CAMKK2: variants seen among roughly 807,000 people sequenced by gnomAD.
CAMKK2 encodes calcium/calmodulin-dependent protein kinase kinase 2.
In CAMKK2, 30 loss-of-function variants were observed where a neutral mutation model predicts 67.2. The ratio of observed to expected loss-of-function variants is 0.45; its 90% CI spans 0.33 to 0.61. The LOEUF is 0.61. Ranked by LOEUF, CAMKK2 falls within the 20% of genes least tolerant of loss-of-function variation. CAMKK2 has a pLI of 0.02. For missense variants in CAMKK2, 643 were observed against 802.0 expected (o/e 0.80, Z 2.39); for synonymous variants, 322 against 326.2 (o/e 0.99, Z 0.14).
chr12:121,292,511 C>T (rs1246792881), intron 1 of CAMKK2, among the ~76,000 whole-genome samples: 1 of 152,140 alleles, frequency 6.6e-6, no homozygotes, highest in African/African-American at 2.4e-5. Context: ...GAAAGAAGAT[C>T]GGTTTCAAAA....
At chr12:121,289,808 G>A (rs995358719) in intron 1 of CAMKK2, among the ~76,000 whole-genome samples, 5 of 151,276 alleles carry the variant, frequency 3.3e-5, no homozygotes, top group Admixed American at 2.0e-4. Flanking sequence ...CACGACAATC[G>A]CCTGAACCCA....
chr12:121,283,094 G>C (rs1265409225), intron 1 of CAMKK2, among the ~76,000 whole-genome samples: 3 of 152,184 alleles, frequency 2.0e-5, no homozygotes, highest in African/African-American at 4.8e-5. Context: ...GTGAGACTTG[G>C]TCACGGCTTC....
chr12:121,294,408 A>T lies in CAMKK2; in HGVS notation c.-60+2230T>A, dbSNP rs528416365. 7.9e-5 allele frequency among the ~76,000 whole-genome samples: 12 copies of T among 152,322 alleles called. No individual in the cohort carries two copies. In the South Asian group the frequency reaches 1.9e-3, roughly 24 times the overall value. Reference sequence around the variant, plus strand: ...GAGGGTGGGACCACCCCCGGATGAGAACTAGTGCATTGTTATTAGTGACTA... The same window carrying T: ...GAGGGTGGGACCACCCCCGGATGAGTACTAGTGCATTGTTATTAGTGACTA... On this transcript the variant is annotated intron_variant, in intron 1 of 16. Transcript: ENST00000404169.
intron 11 of CAMKK2, among the ~76,000 whole-genome samples, chr12:121,250,876 A>C (rs1307497369): frequency 6.6e-6 from 1 of 152,228 alleles, no homozygotes; most frequent in Non-Finnish European, 1.5e-5. Context: ...TAGTATTCTC[A>C]TTTTACAGAA....
chr12:121,286,752 G>C (rs1898825259), intron 1 of CAMKK2, among the ~76,000 whole-genome samples: 1 of 152,140 alleles, frequency 6.6e-6, no homozygotes, highest in Non-Finnish European at 1.5e-5. Context: ...TGGGGAAACT[G>C]AGGCACAGAG....
chr12:121,248,756 G>C, intron 13 of CAMKK2, 22 bp from the exon 14 acceptor site: 1 of 1,613,488 alleles, frequency 6.2e-7, no homozygotes, highest in South Asian at 1.1e-5. Context: ...GACAGGAGGG[G>C]TGAGGGGCAG....
At chr12:121,264,427 A>C (rs1894092953) in intron 5 of CAMKK2, among the ~76,000 whole-genome samples, 11 of 152,026 alleles carry the variant, frequency 7.2e-5, no homozygotes, top group Admixed American at 7.2e-4. Flanking sequence ...TCTTGAGCCC[A>C]GGAGTTCAAG....
chr12:121,280,660 A>C (rs933243559), intron 1 of CAMKK2, among the ~76,000 whole-genome samples: 3 of 152,116 alleles, frequency 2.0e-5, no homozygotes, highest in Admixed American at 2.0e-4. Flanking sequence ...AGGTCTCTGA[A>C]CTGGCACCCC....
At chr12:121,282,408 G>A (rs955111733) in intron 1 of CAMKK2, among the ~76,000 whole-genome samples, 5 of 152,186 alleles carry the variant, frequency 3.3e-5, no homozygotes, top group African/African-American at 1.2e-4. Flanking sequence ...CTAACCCTCA[G>A]GACCTCAGAA....
In CAMKK2 at chr12:121,240,370, T is replaced by C; in HGVS notation, c.*329A>G. The C allele has an allele frequency of 7.1e-7, 1 of 1,401,594 alleles. No homozygotes were observed. The highest frequency in any genetic ancestry group is 1.8e-4 in the Middle Eastern group (1 of 5,642). The allele number at this position is 1,401,594 out of a possible 1,614,324, so 86.8% of individuals were successfully genotyped here. On this transcript the variant is annotated 3_prime_UTR_variant, in exon 17 of 17. Transcript: ENST00000404169. This position sits in a 1 kb window ranked among gnomAD's most constrained non-coding sequence, Gnocchi z 4.4. ...CCCACACACAGTCACTTGGTATATC[T>C]GACGTGGTTCTGAAAATCACAATGA...
chr12:121,272,168 G>A (rs574155366), intron 2 of CAMKK2, among the ~76,000 whole-genome samples: 44 of 152,266 alleles, frequency 2.9e-4, no homozygotes, highest in African/African-American at 8.4e-4. Context: ...AACATCTACC[G>A]TACCACAGGC....
intron 1 of CAMKK2, among the ~76,000 whole-genome samples, chr12:121,295,085 G>A (rs555156795): frequency 2.0e-5 from 3 of 152,120 alleles, no homozygotes; most frequent in Non-Finnish European, 4.4e-5. Flanking sequence ...CATGAGAATC[G>A]CTTGAACCCG....
In CAMKK2 at chr12:121,240,491, C is replaced by T; in HGVS notation, c.*208G>A. ...CCTCACACCCGCCTGTCCAGCCAGC[C>T]AGCGGCCACGGTCGACGTCATGGAG... is the stretch of plus-strand genomic sequence containing the variant. On this transcript the variant is annotated 3_prime_UTR_variant, in exon 17 of 17. Transcript: ENST00000404169. This position sits in a 1 kb window ranked among gnomAD's most constrained non-coding sequence, Gnocchi z 4.4. 6.5e-7 allele frequency: 1 copy of T among 1,535,644 alleles called. No individual in the cohort carries two copies. Among genetic ancestry groups the T allele is most frequent in the Non-Finnish European group, 8.7e-7 (1 of 1,146,874 alleles).
chr12:121,268,538 G>A, intron 5 of CAMKK2, 100 bp downstream of exon 5: 2 of 1,102,798 alleles, frequency 1.8e-6, no homozygotes, highest in Non-Finnish European at 2.8e-6. Context: ...GGAACTACAG[G>A]CATGTGGCAC....
At chr12:121,267,148 C>T (rs1219589239) in intron 5 of CAMKK2, among the ~76,000 whole-genome samples, 1 of 116,796 alleles carries the variant, frequency 8.6e-6, no homozygotes, top group Non-Finnish European at 1.6e-5. Context: ...CTCAGTCTGT[C>T]GTCCAGGCTG....
intron 1 of CAMKK2, among the ~76,000 whole-genome samples, chr12:121,276,963 A>G (rs1896948590): frequency 6.6e-6 from 1 of 151,696 alleles, no homozygotes; most frequent in Non-Finnish European, 1.5e-5. Context: ...AGATTTTATG[A>G]ATGAATAAAA....
At chr12:121,281,205 G>C (rs1226798124) in intron 1 of CAMKK2, among the ~76,000 whole-genome samples, 1 of 152,256 alleles carries the variant, frequency 6.6e-6, no homozygotes, top group Admixed American at 6.5e-5. Context: ...TCCCCCGCTA[G>C]ACGCGGGCCT....
chr12:121,275,550 C>A (rs1245232295), intron 1 of CAMKK2, among the ~76,000 whole-genome samples: 3 of 149,764 alleles, frequency 2.0e-5, no homozygotes. Context: ...ATGGATGAAC[C>A]TCTAAAATAT....
chr12:121,249,097 T>C (rs559351214), intron 13 of CAMKK2, among the ~76,000 whole-genome samples: 33 of 152,300 alleles, frequency 2.2e-4, no homozygotes, highest in African/African-American at 7.7e-4. Context: ...GGCAGCATTC[T>C]CCCCATCTCA....
Sources: allele counts gnomAD v4.1 joint callset (sites outside exome capture counted in the v4.1 genomes callset), GRCh38; gene constraint gnomAD v4.1.1; non-coding constraint Gnocchi (gnomAD v3.1); transcripts MANE v1.5; gene names NCBI Gene and HGNC (gene_info 2026-07-23, HGNC 2026-07-21).